ING2: variants seen among roughly 807,000 people sequenced by gnomAD.
ING2 encodes the protein inhibitor of growth protein 2.
Under a neutral mutation model 30.6 loss-of-function variants are expected in ING2, and 7 were observed. That is an observed-to-expected ratio of 0.23 (90% CI 0.13 to 0.43). The LOEUF (loss-of-function observed/expected upper bound fraction) is 0.43, where lower values mean the gene tolerates loss of function less well. ING2 is among the 20% of genes least tolerant of loss of function. The pLI, the probability that ING2 is intolerant of heterozygous loss-of-function variation, is 1.00. For missense variants in ING2, 239 were observed against 334.9 expected, an observed-to-expected ratio of 0.71 and a Z score of 2.24; for synonymous variants, 136 against 121.7, an observed-to-expected ratio of 1.12 and a Z score of -0.78.
At chr4:183,510,186 G>C (rs542316752) in intron 1 of ING2, 96 bp from the exon 2 acceptor site, 23 of 853,622 alleles carry the variant, frequency 2.7e-5, no homozygotes, top group Non-Finnish European at 4.1e-5. Flanking sequence ...TTCATGGTTT[G>C]AGTTCTAATT....
At position 183,511,111 on chromosome 4, in the gene ING2, T is replaced by C; in HGVS notation, c.*159T>C. 1 of 586,224 alleles carries C rather than the reference T, an allele frequency of 1.7e-6. No homozygotes were observed. The highest frequency in any genetic ancestry group is 2.8e-6 in the Non-Finnish European group (1 of 353,162). The allele number at this position is 586,224 out of a possible 1,614,324, so 36.3% of individuals were successfully genotyped here. ...GTTGTACTTTGTCTGTGACCTTAAT[T>C]TTCTGCACTGAGTTACCAAATATTT... On this transcript the variant is annotated 3_prime_UTR_variant, in exon 2 of 2. Coordinates refer to ENST00000302327, the MANE Select transcript of ING2 (RefSeq NM_001564.4).
Position 183,505,177 on chromosome 4 carries a change from G to T in ING2, c.-19G>T, listed in dbSNP as rs919726458. On this transcript the variant is annotated 5_prime_UTR_variant, in exon 1 of 2. Transcript: ENST00000302327. ...GGCTGCTGGATGCGGAGGCGGCGGCGACGGCGCGGATCGGCAGGATGTTAG... is the reference window on the plus strand; with the variant it reads ...GGCTGCTGGATGCGGAGGCGGCGGCTACGGCGCGGATCGGCAGGATGTTAG... The T allele has an allele frequency of 6.3e-7, 1 of 1,589,170 alleles. No individual in the cohort carries two copies. The highest frequency in any genetic ancestry group is 8.5e-7 in the Non-Finnish European group (1 of 1,170,162).
intron 1 of ING2, chr4:183,505,983 TAA>T (rs1388857685): frequency 2.9e-6 from 2 of 683,442 alleles, no homozygotes; most frequent in African/African-American, 4.0e-5. Flanking sequence ...GCAAAATGGT[TAA>T]GAGGGGAGGG....
intron 1 of ING2, among the ~76,000 whole-genome samples, chr4:183,509,772 CGCCCAGACCGGAGT>C (rs1456693222): frequency 7.4e-5 from 9 of 121,976 alleles, no homozygotes; most frequent in African/African-American, 2.8e-4. Context: ...TTTGCTCTGT[CGCCCAGACCGGAGT>C]GCAGCGGTGC....
At chr4:183,505,982 T>G in intron 1 of ING2, 2 of 661,526 alleles carry the variant, frequency 3.0e-6, no homozygotes, top group Non-Finnish European at 4.0e-6. Flanking sequence ...GGCAAAATGG[T>G]TAAGAGGGGA....
At position 183,512,306 on chromosome 4, in the gene ING2, T is replaced by C. The variant is rs144193242; in HGVS notation, c.*1354T>C. On this transcript the variant is annotated 3_prime_UTR_variant, in exon 2 of 2. Transcript: ENST00000302327. Reference sequence around the variant, plus strand: ...TGACTTTTAGGCATGTCATTTCACCTTGTCTGGGTGTCAGGTCATTCACCT... The same window carrying C: ...TGACTTTTAGGCATGTCATTTCACCCTGTCTGGGTGTCAGGTCATTCACCT... 3.8e-4 allele frequency among the ~76,000 whole-genome samples: 58 copies of C among 152,316 alleles called. No homozygotes were observed. The highest frequency in any genetic ancestry group is 1.3e-3 in the African/African-American group (55 of 41,574).
intron 1 of ING2, chr4:183,506,297 C>G: frequency 7.7e-7 from 1 of 1,304,290 alleles, no homozygotes; most frequent in Non-Finnish European, 1.0e-6. Flanking sequence ...GCAGCTCGGA[C>G]CGTCGCGGAT....
At position 183,505,325 on chromosome 4, in the gene ING2, A is replaced by C; in HGVS notation, c.130A>C (p.Arg44=). Residue 44 remains arginine, a synonymous_variant, in exon 1 of 2, where the codon AGG becomes CGG. Coordinates refer to ENST00000302327, the MANE Select transcript of ING2 (RefSeq NM_001564.4). ...CVESLPHDMQ[R]NVSVLRELDN... Reference sequence around the variant, plus strand: ...GGAGTCGCTGCCCCACGACATGCAGAGGAACGTGTCTGTGCTGCGAGAGCT... The same window carrying C: ...GGAGTCGCTGCCCCACGACATGCAGCGGAACGTGTCTGTGCTGCGAGAGCT... The C allele has an allele frequency of 6.4e-7, 1 of 1,551,108 alleles. No homozygotes were observed. The highest frequency in any genetic ancestry group is 8.7e-7 in the Non-Finnish European group (1 of 1,148,554).
In ING2 at chr4:183,506,080, G is replaced by T; in HGVS notation, c.172+713G>T. 7.6e-6 allele frequency: 9 copies of T among 1,186,130 alleles called. No homozygotes were observed. The South Asian group carries it at 1.3e-4, about 18-fold the overall frequency. The allele number at this position is 1,186,130 out of a possible 1,614,324, so 73.5% of individuals were successfully genotyped here. On this transcript the variant is annotated intron_variant, in intron 1 of 1. Transcript: ENST00000302327. The stretch of plus-strand genomic sequence containing the variant: ...GCGGGGCCTGCGGGCTTGACGAGGG[G>T]CGTGGGAGGGGCGCGGCGCGCGTTC...
rs906003877 is a variant in ING2, at chr4:183,505,250, G to A, written c.55G>A (p.Glu19Lys). 2.6e-5 allele frequency: 41 copies of A among 1,596,412 alleles called. No homozygotes were observed. The highest frequency in any genetic ancestry group is 3.3e-5 in the Non-Finnish European group (39 of 1,172,642). Residue 19 changes from glutamate to lysine, a missense_variant, in exon 1 of 2, where the codon GAG (glutamate) becomes AAG (lysine). Glu to Lys is a moderately conservative substitution (Grantham distance 56). This residue lies in a region of ING2 where 80 missense variants were observed against 102.4 expected (regional missense o/e 0.78). Transcript: ENST00000302327. ...LYSSAALLTG[E>K]RSRLLTCYVQ... ...CTCGTCGGCCGCGCTCCTGACCGGG[G>A]AGCGGAGCCGGCTGCTCACCTGCTA...
chr4:183,506,135 G>C, intron 1 of ING2: 1 of 1,244,056 alleles, frequency 8.0e-7, no homozygotes. Context: ...CTGGTCGCGA[G>C]AGGGGCGGTG....
chr4:183,507,718 T>G (rs1272862721), intron 1 of ING2, among the ~76,000 whole-genome samples: 1 of 152,222 alleles, frequency 6.6e-6, no homozygotes, highest in African/African-American at 2.4e-5. Flanking sequence ...GATTTCATGT[T>G]TTTTATATCT....
intron 1 of ING2, 86 bp downstream of exon 1, chr4:183,505,453 G>T: frequency 7.6e-7 from 1 of 1,319,486 alleles, no homozygotes; most frequent in Non-Finnish European, 1.0e-6. Flanking sequence ...TCCCGTGACA[G>T]TCTCCCCGAG....
rs1579171475 is a variant in ING2, at chr4:183,511,703, A to T, written c.*751A>T. ...AAATATACATTGGCTTACATTGGCA[A>T]ACTTTGGGTTATATAGTATCACGGC... On this transcript the variant is annotated 3_prime_UTR_variant, in exon 2 of 2. Transcript: ENST00000302327. Among the ~76,000 whole-genome samples the T allele has an allele frequency of 3.9e-5, 6 of 152,236 alleles. No homozygotes were observed. In the South Asian group the frequency reaches 1.2e-3, roughly 31 times the overall value.
intron 1 of ING2, among the ~76,000 whole-genome samples, chr4:183,508,539 T>TA (rs1344966333): frequency 1.3e-5 from 2 of 152,226 alleles, no homozygotes; most frequent in Admixed American, 1.3e-4. Flanking sequence ...GGCACTTTGT[T>TA]ATATATTCCA....
intron 1 of ING2, among the ~76,000 whole-genome samples, chr4:183,507,859 T>C (rs1001524727): frequency 5.3e-5 from 8 of 152,164 alleles, no homozygotes; most frequent in African/African-American, 1.9e-4. Context: ...GAAAAACTTA[T>C]AAAATGAGAA....
intron 1 of ING2, chr4:183,506,456 G>C (rs1560969272): frequency 4.0e-6 from 2 of 504,348 alleles, no homozygotes; most frequent in Non-Finnish European, 7.2e-6. Context: ...CGGCCGACCC[G>C]GGAACCCGGG....
Position 183,510,628 on chromosome 4 carries a change from T to C in ING2, c.519T>C (p.Cys173=). The C allele has an allele frequency of 6.2e-7, 1 of 1,614,096 alleles. No individual in the cohort carries two copies. The highest frequency in any genetic ancestry group is 8.5e-7 in the Non-Finnish European group (1 of 1,180,016). ...LCHMANGIED[C]DDQPPKEKKS... ...ACATGGCAAATGGGATTGAAGACTG[T>C]GATGATCAGCCACCTAAAGAAAAGA... Residue 173 remains cysteine, a synonymous_variant, in exon 2 of 2, where the codon TGT becomes TGC. Transcript: ENST00000302327.
At position 183,511,404 on chromosome 4, in the gene ING2, C is replaced by T. The variant is rs563508460; in HGVS notation, c.*452C>T. 3.3e-4 allele frequency among the ~76,000 whole-genome samples: 51 copies of T among 152,324 alleles called. No individual in the cohort carries two copies. Among genetic ancestry groups the T allele is most frequent in the South Asian group, 1.0e-3 (5 of 4,826 alleles). On this transcript the variant is annotated 3_prime_UTR_variant, in exon 2 of 2. Transcript: ENST00000302327. ...CTATGCCATTTGAGCTGCTTTTTCC[C>T]TAGTCCTATTTATACGTTGGCTTGT...
Sources: allele counts gnomAD v4.1 joint callset (sites outside exome capture counted in the v4.1 genomes callset), GRCh38; gene constraint gnomAD v4.1.1; regional missense constraint gnomAD v4.1.1; transcripts MANE v1.5; gene names NCBI Gene and HGNC (gene_info 2026-07-23, HGNC 2026-07-21).